The following RBM19 variants were observed in gnomAD, a reference collection of about 807,000 sequenced individuals.
The protein encoded by RBM19 is RNA binding motif protein 19, also known as probable RNA-binding protein 19.
A neutral mutation model predicts 116.8 loss-of-function variants in RBM19; 94 were observed. That is an observed-to-expected ratio of 0.80 (90% CI 0.68 to 0.95). RBM19 has a LOEUF of 0.95. Ranked by LOEUF, RBM19 falls within the 40% of genes least tolerant of loss-of-function variation. The probability of loss-of-function intolerance (pLI) is 0.00; values close to 1 mark genes in which losing one functional copy is unlikely to be tolerated. For missense variants in RBM19, 1,161 were observed against 1,220.7 expected, an observed-to-expected ratio of 0.95 and a Z score of 0.73; for synonymous variants, 475 against 494.1, an observed-to-expected ratio of 0.96 and a Z score of 0.51.
chr12:113,944,117 T>TTTTG (rs374683065), intron 13 of RBM19, among the ~76,000 whole-genome samples: 82 of 102,564 alleles, frequency 8.0e-4, no homozygotes, highest in Non-Finnish European at 1.3e-3. Flanking sequence ...TTTTTTTTTT[T>TTTTG]GGGGCAGACT....
At chr12:113,933,611 C>T (rs60558808) in intron 16 of RBM19, among the ~76,000 whole-genome samples, 2,483 of 152,284 alleles carry the variant, frequency 0.016, 77 homozygotes, top group African/African-American at 0.056. Context: ...GAGGTAGGGG[C>T]TGTTGGACAC....
At chr12:113,869,036 A>G (rs1879036856) in intron 21 of RBM19, among the ~76,000 whole-genome samples, 2 of 152,220 alleles carry the variant, frequency 1.3e-5, no homozygotes, top group African/African-American at 2.4e-5. Context: ...TGTATCAGGA[A>G]CTGAAGAAAT....
chr12:113,904,441 G>A (rs966264751), intron 21 of RBM19, among the ~76,000 whole-genome samples: 2 of 152,206 alleles, frequency 1.3e-5, no homozygotes, highest in Admixed American at 1.3e-4. Context: ...GAAGCCATCT[G>A]ACTTGTGCGC....
chr12:113,839,326 G>A (rs1876251012), intron 23 of RBM19, among the ~76,000 whole-genome samples: 1 of 152,246 alleles, frequency 6.6e-6, no homozygotes, highest in African/African-American at 2.4e-5. Context: ...AGGCTGCTGT[G>A]GGCACCTCCT....
intron 15 of RBM19, among the ~76,000 whole-genome samples, chr12:113,937,994 C>G (rs1289080246): frequency 2.6e-5 from 4 of 152,156 alleles, no homozygotes; most frequent in African/African-American, 9.7e-5. Context: ...GGTGTGCAGA[C>G]AGCAGGCTGC....
chr12:113,827,071 G>A (rs541831908), intron 23 of RBM19, among the ~76,000 whole-genome samples: 54 of 152,248 alleles, frequency 3.5e-4, no homozygotes, highest in African/African-American at 1.2e-3. Flanking sequence ...CTGCTTCCTT[G>A]AGGAGCACCC....
intron 21 of RBM19, among the ~76,000 whole-genome samples, chr12:113,911,814 A>T (rs1189536228): frequency 6.6e-6 from 1 of 152,176 alleles, no homozygotes; most frequent in Non-Finnish European, 1.5e-5. Context: ...CATGAGAAAG[A>T]AATCAACACT....
In RBM19 at chr12:113,959,265, T is replaced by C. The variant is rs1278097205; in HGVS notation, c.518A>G (p.Asp173Gly). Residue 173 changes from aspartate (D) to glycine (G), a missense_variant, in exon 5 of 24, where the codon GAC (aspartate) becomes GGC (glycine). Physicochemically the swap from Asp to Gly is moderately conservative, Grantham distance 94. Coordinates refer to ENST00000261741, the MANE Select transcript of RBM19 (RefSeq NM_016196.4). ...CTCACTCTCCTGCCCAGAATCGGAG[T>C]CGAAGTTCAGGTAGTCACTGGCCGG... ...SKPASDYLNF[D>G]SDSGQESEEE... is the part of the protein sequence containing the mutation. 14 of 1,613,318 alleles carry C rather than the reference T, an allele frequency of 8.7e-6. No homozygotes were observed. The highest frequency in any genetic ancestry group is 1.2e-5 in the Non-Finnish European group (14 of 1,179,846).
intron 5 of RBM19, 86 bp downstream of exon 5, chr12:113,959,126 T>C: frequency 6.9e-7 from 1 of 1,458,480 alleles, no homozygotes; most frequent in Admixed American, 1.9e-5. Context: ...ACTCCTAGAG[T>C]CTGCACAGAG....
chr12:113,846,368 C>T (rs1876974422), intron 22 of RBM19, among the ~76,000 whole-genome samples: 2 of 152,204 alleles, frequency 1.3e-5, no homozygotes, highest in African/African-American at 4.8e-5. Flanking sequence ...CCCTGTCCCG[C>T]AAGAGGGGCC....
chr12:113,878,732 A>G (rs1006261064), intron 21 of RBM19, among the ~76,000 whole-genome samples: 1 of 148,840 alleles, frequency 6.7e-6, no homozygotes, highest in Non-Finnish European at 1.5e-5. Context: ...AAGGTCACCT[A>G]TGCGGAGGCC....
chr12:113,827,517 C>CGG (rs1463956443), intron 23 of RBM19, among the ~76,000 whole-genome samples: 3 of 3,250 alleles, frequency 9.2e-4, no homozygotes, highest in Non-Finnish European at 8.9e-4. Context: ...GGAGAAAGGG[C>CGG]GGGGGGGCGG....
chr12:113,923,812 G>C (rs779965716), intron 18 of RBM19, among the ~76,000 whole-genome samples: 9 of 152,186 alleles, frequency 5.9e-5, no homozygotes, highest in Non-Finnish European at 1.2e-4. Context: ...CCAGCACATT[G>C]GTCTCTCTAG....
rs540227972 is a variant in RBM19 at position 113,881,776 on chromosome 12, G to A, written c.2559-22880C>T. On this transcript the variant is annotated intron_variant, in intron 21 of 23. Coordinates refer to ENST00000261741, the MANE Select transcript of RBM19 (RefSeq NM_016196.4). ...ACTTAAGAGGAGGTCTCTTTCACAG[G>A]CTGGACAAAATCCTTCCTTGTGAAA... 4.6e-5 allele frequency among the ~76,000 whole-genome samples: 7 copies of A among 152,338 alleles called. No homozygotes were observed. The South Asian group carries it at 1.5e-3, about 32-fold the overall frequency.
chr12:113,846,182 C>T (rs1876953923), intron 22 of RBM19, among the ~76,000 whole-genome samples: 1 of 152,166 alleles, frequency 6.6e-6, no homozygotes, highest in South Asian at 2.1e-4. Flanking sequence ...GCAACGGTGG[C>T]TAAGAAGGCC....
At chr12:113,852,890 C>T (rs1877565990) in intron 22 of RBM19, among the ~76,000 whole-genome samples, 1 of 152,240 alleles carries the variant, frequency 6.6e-6, no homozygotes, top group Non-Finnish European at 1.5e-5. Context: ...GTGTTGAACG[C>T]ACGCCACTGA....
chr12:113,937,473 C>G (rs1187818408), intron 15 of RBM19, among the ~76,000 whole-genome samples: 1 of 152,098 alleles, frequency 6.6e-6, no homozygotes, highest in African/African-American at 2.4e-5. Flanking sequence ...GAGGAGCGAC[C>G]ACATCACTGG....
chr12:113,931,552 C>T (rs1869601925), intron 16 of RBM19, among the ~76,000 whole-genome samples: 1 of 152,172 alleles, frequency 6.6e-6, no homozygotes, highest in East Asian at 1.9e-4. Flanking sequence ...TGAAGAGACT[C>T]CCTGCTGCTG....
chr12:113,912,208 C>A (rs895167153), intron 21 of RBM19, among the ~76,000 whole-genome samples: 1 of 152,308 alleles, frequency 6.6e-6, no homozygotes, highest in Non-Finnish European at 1.5e-5. Context: ...GGCGGGGTAG[C>A]TTGAGGCCCT....
Sources: gnomAD v4.1 joint callset for allele counts (sites outside exome capture counted in the v4.1 genomes callset) on GRCh38, gnomAD v4.1.1 for gene constraint, MANE v1.5 for transcripts, NCBI Gene and HGNC (gene_info 2026-07-23, HGNC 2026-07-21) for gene names.